Variants in GPC6 observed in about 807,000 individuals in gnomAD.
GPC6 encodes the protein glypican-6.
In GPC6, 14 loss-of-function variants were observed where a neutral mutation model predicts 55.2. That is an observed-to-expected ratio of 0.25 (90% CI 0.17 to 0.40). The LOEUF is 0.40. GPC6 is among the 10% of genes least tolerant of loss of function. The probability of loss-of-function intolerance (pLI) is 1.00; values close to 1 mark genes in which losing one functional copy is unlikely to be tolerated. For missense variants in GPC6, 641 were observed against 708.5 expected (o/e 0.90, Z 1.08); for synonymous variants, 278 against 259.6 (o/e 1.07, Z -0.68).
chr13:94,232,095 A>C (rs1890746730), intron 4 of GPC6, among the ~76,000 whole-genome samples: 1 of 152,178 alleles, frequency 6.6e-6, no homozygotes, highest in Non-Finnish European at 1.5e-5. Context: ...TAAGAAAGCA[A>C]AGATCTCTGT....
At position 93,599,203 on chromosome 13, in the gene GPC6, C is replaced by T. The variant is rs1877899060; in HGVS notation, c.319+53782C>T. On this transcript the variant is annotated intron_variant, in intron 2 of 8. Transcript: ENST00000377047. ...TACGTGCACTTTGGAAAAATGGGTCCCTGAACTATTTATAGATATACATAT... is the reference window on the plus strand; with the variant it reads ...TACGTGCACTTTGGAAAAATGGGTCTCTGAACTATTTATAGATATACATAT... Among the ~76,000 whole-genome samples, 3 of 151,604 alleles carry T rather than the reference C, an allele frequency of 2.0e-5. No homozygotes were observed. In the South Asian group the frequency reaches 6.2e-4, roughly 32 times the overall value.
intron 3 of GPC6, among the ~76,000 whole-genome samples, chr13:93,923,487 C>A (rs1473836939): frequency 5.4e-5 from 8 of 149,186 alleles, no homozygotes; most frequent in South Asian, 2.1e-4. Context: ...AAAAATAAAG[C>A]AAAAAAAAAA....
At chr13:93,220,602 G>T in the GPC6 span, among the ~76,000 whole-genome samples, 2 of 152,080 alleles carry the variant, frequency 1.3e-5, no homozygotes, top group Non-Finnish European at 1.5e-5. Context: ...ATTGTCAAAC[G>T]CATCTATTAA....
intron 1 of GPC6, among the ~76,000 whole-genome samples, chr13:93,248,370 T>C (rs1336046625): frequency 6.7e-6 from 1 of 149,520 alleles, no homozygotes; most frequent in African/African-American, 2.5e-5. Flanking sequence ...TTTTCAAAAG[T>C]ATGATCTTAT....
At chr13:94,337,864 T>G (rs922250892) in intron 6 of GPC6, among the ~76,000 whole-genome samples, 30 of 152,306 alleles carry the variant, frequency 2.0e-4, no homozygotes, top group African/African-American at 7.2e-4. Flanking sequence ...GAGGCACCTG[T>G]GAACATTCAC....
chr13:94,381,033 A>T (rs909288188), intron 6 of GPC6, among the ~76,000 whole-genome samples: 13 of 152,280 alleles, frequency 8.5e-5, no homozygotes, highest in African/African-American at 2.9e-4. Flanking sequence ...CCATCTTGGG[A>T]CATCACATCA....
chr13:93,591,921 G>A (rs940055267), intron 2 of GPC6, among the ~76,000 whole-genome samples: 1 of 152,088 alleles, frequency 6.6e-6, no homozygotes, highest in Non-Finnish European at 1.5e-5. Flanking sequence ...ATTTCATATT[G>A]TATTTTGGGT....
chr13:93,401,156 G>T (rs1348431175), intron 1 of GPC6, among the ~76,000 whole-genome samples: 1 of 2,064 alleles, frequency 4.8e-4, no homozygotes, highest in African/African-American at 5.3e-4. Flanking sequence ...GGTATTTGTC[G>T]TGTGTGTGTG....
chr13:93,987,235 C>T (rs558838954), intron 3 of GPC6, among the ~76,000 whole-genome samples: 5 of 152,210 alleles, frequency 3.3e-5, no homozygotes, highest in African/African-American at 1.2e-4. Flanking sequence ...CTCGTTGGAC[C>T]AGAACATTGT....
At chr13:93,728,148 C>T (rs1195516419) in intron 2 of GPC6, among the ~76,000 whole-genome samples, 1 of 152,114 alleles carries the variant, frequency 6.6e-6, no homozygotes, top group African/African-American at 2.4e-5. Context: ...CACTGTTCAT[C>T]CATTTTTGCA....
At chr13:93,237,753 GAT>G (rs1337588181) in intron 1 of GPC6, among the ~76,000 whole-genome samples, 7 of 152,002 alleles carry the variant, frequency 4.6e-5, no homozygotes, top group African/African-American at 1.2e-4. Flanking sequence ...TATGGTGAGA[GAT>G]AGGGATCCAG....
intron 2 of GPC6, among the ~76,000 whole-genome samples, chr13:93,722,314 A>C (rs968439497): frequency 1.3e-5 from 2 of 151,792 alleles, no homozygotes; most frequent in African/African-American, 4.8e-5. Flanking sequence ...TAAGTAACTA[A>C]ATAATTATTG....
intron 2 of GPC6, among the ~76,000 whole-genome samples, chr13:93,815,472 C>T (rs1361460338): frequency 2.0e-5 from 3 of 151,970 alleles, no homozygotes; most frequent in Non-Finnish European, 4.4e-5. Flanking sequence ...TACATTCAAC[C>T]CTGTACAATT....
chr13:94,312,802 A>T (rs1306394415), intron 6 of GPC6, among the ~76,000 whole-genome samples: 1 of 152,188 alleles, frequency 6.6e-6, no homozygotes, highest in Non-Finnish European at 1.5e-5. Context: ...CAATAACAAC[A>T]GTAAGCTAGA....
intron 4 of GPC6, among the ~76,000 whole-genome samples, chr13:94,115,409 C>A (rs1162596089): frequency 1.3e-5 from 2 of 152,080 alleles, no homozygotes; most frequent in African/African-American, 4.8e-5. Context: ...ATGGTCCCAG[C>A]TGAATTTTTT....
intron 1 of GPC6, among the ~76,000 whole-genome samples, chr13:93,415,700 G>C (rs1876673090): frequency 6.6e-6 from 1 of 152,062 alleles, no homozygotes; most frequent in Non-Finnish European, 1.5e-5. Flanking sequence ...TTTAATAGGT[G>C]AGAAGAAAGA....
intron 5 of GPC6, among the ~76,000 whole-genome samples, chr13:94,298,641 A>C (rs1291180452): frequency 1.3e-5 from 2 of 152,208 alleles, no homozygotes; most frequent in Non-Finnish European, 2.9e-5. Flanking sequence ...CTGGCTTATC[A>C]AGCTCACTGA....
At chr13:93,614,893 CTT>C (rs920896562) in intron 2 of GPC6, among the ~76,000 whole-genome samples, 2 of 150,808 alleles carry the variant, frequency 1.3e-5, no homozygotes, top group African/African-American at 4.9e-5. Flanking sequence ...TTGCTCATTG[CTT>C]TTTTTTTCCT....
At chr13:94,186,379 T>C (rs1008948695) in intron 4 of GPC6, among the ~76,000 whole-genome samples, 6 of 152,218 alleles carry the variant, frequency 3.9e-5, no homozygotes, top group Non-Finnish European at 8.8e-5. Flanking sequence ...AGAGTCCCAT[T>C]TTCCTCCTTC....
Sources: gnomAD v4.1 joint callset for allele counts (sites outside exome capture counted in the v4.1 genomes callset) on GRCh38, gnomAD v4.1.1 for gene constraint, MANE v1.5 for transcripts, NCBI Gene and HGNC (gene_info 2026-07-23, HGNC 2026-07-21) for gene names.